The following EPHA6 variants were observed in gnomAD, a reference collection of about 807,000 sequenced individuals.
EPHA6 encodes ephrin type-A receptor 6.
EPHA6 carries 50 observed loss-of-function variants against 112.0 expected under a neutral mutation model. That is an observed-to-expected ratio of 0.45 (90% CI 0.36 to 0.56). The LOEUF (loss-of-function observed/expected upper bound fraction) is 0.56, where lower values mean the gene tolerates loss of function less well. EPHA6 is among the 20% of genes least tolerant of loss of function. The pLI is 0.00. For synonymous variants in EPHA6, 529 were observed against 490.7 expected, an observed-to-expected ratio of 1.08 and a Z score of -1.03; for missense variants, 1,280 against 1,417.4, an observed-to-expected ratio of 0.90 and a Z score of 1.56.
chr3:97,460,188 T>C (rs187965349), intron 7 of EPHA6, among the ~76,000 whole-genome samples: 80 of 152,354 alleles, frequency 5.3e-4, no homozygotes, highest in African/African-American at 1.8e-3. Flanking sequence ...TTAGGCATCA[T>C]AGGACTTGGT....
At chr3:97,014,396 T>A (rs2044197015) in intron 3 of EPHA6, among the ~76,000 whole-genome samples, 1 of 149,844 alleles carries the variant, frequency 6.7e-6, no homozygotes, top group African/African-American at 2.4e-5. Context: ...TTCTTTCCTC[T>A]CTCCCTTCAC....
intron 14 of EPHA6, chr3:97,646,373 A>G (rs2094063452): frequency 1.8e-6 from 2 of 1,120,992 alleles, no homozygotes; most frequent in Non-Finnish European, 1.2e-6. Flanking sequence ...AGTATTGTCC[A>G]CATTTCAAAA....
In EPHA6 at chr3:97,307,610, C is replaced by T. The variant is rs1264833652; in HGVS notation, c.1606+63323C>T. On this transcript the variant is annotated intron_variant, in intron 5 of 17. Transcript: ENST00000389672. ...TAGTTTTGTCTTTACATTTTGTTGC[C>T]TTTTTTTTTTTCTTTAAAGGTGATG... Among the ~76,000 whole-genome samples the T allele has an allele frequency of 8.4e-4, 120 of 142,570 alleles. 1 individual carries two copies. Among genetic ancestry groups the T allele is most frequent in the Middle Eastern group, 3.6e-3 (1 of 276 alleles). 93.5% of individuals were successfully genotyped at this position (142,570 alleles called of 152,430 possible).
At chr3:97,101,216 G>T (rs562031715) in intron 3 of EPHA6, among the ~76,000 whole-genome samples, 4 of 152,084 alleles carry the variant, frequency 2.6e-5, no homozygotes, top group African/African-American at 9.6e-5. Context: ...AAATAAAAAT[G>T]AATTAATTAG....
rs149491021 is a variant in EPHA6 at position 97,091,061 on chromosome 3, C to T, written c.1114+103068C>T. Among the ~76,000 whole-genome samples, 302 of 152,140 alleles carry T rather than the reference C, an allele frequency of 2.0e-3. 1 individual carries two copies. Among genetic ancestry groups the T allele is most frequent in the African/African-American group, 6.9e-3 (287 of 41,534 alleles). ...CTATGTGTATTAATTTTCACAAAGG[C>T]CTTGTAGTTAAGATATTACTCTTCC... On this transcript the variant is annotated intron_variant, in intron 3 of 17. Transcript: ENST00000389672.
chr3:96,905,630 G>A (rs1018027673), intron 2 of EPHA6, among the ~76,000 whole-genome samples: 15 of 151,814 alleles, frequency 9.9e-5, no homozygotes, highest in African/African-American at 3.6e-4. Context: ...AATAGCTCAT[G>A]TGTTTTTTTC....
intron 5 of EPHA6, among the ~76,000 whole-genome samples, chr3:97,269,131 T>C (rs2079796289): frequency 6.6e-6 from 1 of 152,170 alleles, no homozygotes; most frequent in Non-Finnish European, 1.5e-5. Context: ...TTTTCATCAG[T>C]TGTTCCCAGA....
chr3:97,447,747 T>C (rs904616608), intron 6 of EPHA6: 2 of 1,013,042 alleles, frequency 2.0e-6, no homozygotes, highest in Admixed American at 1.2e-4. Context: ...CAAGTTCACT[T>C]CCATTTAGTG....
chr3:97,052,235 A>G (rs1403299934), intron 3 of EPHA6, among the ~76,000 whole-genome samples: 2 of 152,044 alleles, frequency 1.3e-5, no homozygotes, highest in African/African-American at 4.8e-5. Context: ...CCTGCCTCAT[A>G]TGATTGAACT....
chr3:96,974,901 G>C (rs1352248914), intron 2 of EPHA6, among the ~76,000 whole-genome samples: 4 of 152,104 alleles, frequency 2.6e-5, no homozygotes, highest in African/African-American at 9.7e-5. Flanking sequence ...GAGGAAATGA[G>C]AACAAGGCCC....
intron 10 of EPHA6, among the ~76,000 whole-genome samples, chr3:97,495,808 CCTAT>C (rs908074966): frequency 6.6e-6 from 1 of 152,030 alleles, no homozygotes; most frequent in Non-Finnish European, 1.5e-5. Context: ...TTTGTAGTTG[CCTAT>C]CTCTCACTCT....
At chr3:97,705,977 A>G (rs1185026682) in intron 14 of EPHA6, among the ~76,000 whole-genome samples, 2 of 152,198 alleles carry the variant, frequency 1.3e-5, no homozygotes, top group Non-Finnish European at 2.9e-5. Flanking sequence ...AGGCTTCAGA[A>G]CCCAAATGAT....
chr3:96,844,573 G>A (rs1034931474), intron 1 of EPHA6, among the ~76,000 whole-genome samples: 1 of 151,998 alleles, frequency 6.6e-6, no homozygotes. Flanking sequence ...GAATATCTGA[G>A]TTATGATGAG....
intron 5 of EPHA6, 110 bp from the exon 6 acceptor site, chr3:97,405,040 G>A (rs1346604832): frequency 8.4e-7 from 1 of 1,192,552 alleles, no homozygotes; most frequent in Non-Finnish European, 1.2e-6. Context: ...TCAATAAATG[G>A]TGTCCTCTTC....
intron 16 of EPHA6, among the ~76,000 whole-genome samples, chr3:97,742,128 A>G (rs565681499): frequency 2.0e-5 from 3 of 152,274 alleles, no homozygotes; most frequent in Non-Finnish European, 4.4e-5. Context: ...TGGTGCTGGC[A>G]TAAATACGTT....
chr3:97,680,960 GA>G (rs2031814419), intron 14 of EPHA6, among the ~76,000 whole-genome samples: 1 of 151,978 alleles, frequency 6.6e-6, no homozygotes, highest in Admixed American at 6.6e-5. Flanking sequence ...ACAAGCATAG[GA>G]AAATATACAA....
At position 97,610,837 on chromosome 3, in the gene EPHA6, C is replaced by G; in HGVS notation, c.2557C>G (p.Leu853Val). Residue 853 changes from leucine to valine, a missense_variant, in exon 13 of 18, where the codon CTA becomes GTA. Around this residue, in one of 4 missense-constraint regions of EPHA6, gnomAD observed 878 missense variants for 999.7 expected, o/e 0.88. Coordinates refer to ENST00000389672, the MANE Select transcript of EPHA6 (RefSeq NM_001080448.3). ...IVVEYMENGS[L>V]DSFLRKHDGH... Reference sequence around the variant, plus strand: ...GGTGGAATATATGGAGAATGGATCCCTAGACTCCTTTTTGCGGGTGAGGTG... The same window carrying G: ...GGTGGAATATATGGAGAATGGATCCGTAGACTCCTTTTTGCGGGTGAGGTG... 1 of 1,611,500 alleles carries G rather than the reference C, an allele frequency of 6.2e-7. No homozygotes were observed.
At chr3:97,699,851 T>C (rs2033270206) in intron 14 of EPHA6, among the ~76,000 whole-genome samples, 1 of 152,262 alleles carries the variant, frequency 6.6e-6, no homozygotes, top group Non-Finnish European at 1.5e-5. Flanking sequence ...GTACTTTGTC[T>C]GAACTTGCCT....
At chr3:97,258,269 C>G (rs946978499) in intron 5 of EPHA6, among the ~76,000 whole-genome samples, 10 of 151,904 alleles carry the variant, frequency 6.6e-5, no homozygotes, top group African/African-American at 2.4e-4. Context: ...CACACACACA[C>G]ACACATACAT....
Sources: gnomAD v4.1 joint callset for allele counts (sites outside exome capture counted in the v4.1 genomes callset) on GRCh38, gnomAD v4.1.1 for gene constraint, gnomAD v4.1.1 regional missense constraint, MANE v1.5 for transcripts, NCBI Gene and HGNC (gene_info 2026-07-23, HGNC 2026-07-21) for gene names.